Variants in SGCD observed in about 807,000 individuals in gnomAD.
SGCD encodes sarcoglycan delta, also known as delta-sarcoglycan.
A neutral mutation model predicts 36.6 loss-of-function variants in SGCD; 18 were observed. The ratio of observed to expected loss-of-function variants is 0.49; its 90% CI spans 0.34 to 0.73. The LOEUF (loss-of-function observed/expected upper bound fraction) is 0.73, where lower values mean the gene tolerates loss of function less well. Ranked by LOEUF, SGCD falls within the 30% of genes least tolerant of loss-of-function variation. The pLI is 0.01. For synonymous variants in SGCD, 133 were observed against 130.6 expected (o/e 1.02, Z -0.12); for missense variants, 387 against 346.7 (o/e 1.12, Z -0.92).
chr5:156,568,407 G>T lies in SGCD; in HGVS notation c.295-20824G>T, dbSNP rs1165354304. Among the ~76,000 whole-genome samples, 3 of 152,076 alleles carry T rather than the reference G, an allele frequency of 2.0e-5. No individual in the cohort carries two copies. In the East Asian group the frequency reaches 5.8e-4, roughly 29 times the overall value. On this transcript the variant is annotated intron_variant, in intron 4 of 8. Transcript: ENST00000337851. The stretch of plus-strand genomic sequence containing the variant: ...AATAAATAAATAAATAAAGACTCAG[G>T]TAGCTGTAACCACTAAATGGTCCTA...
chr5:155,908,111 C>T (rs1042839390), intron 1 of SGCD, among the ~76,000 whole-genome samples: 9 of 152,136 alleles, frequency 5.9e-5, no homozygotes, highest in African/African-American at 2.2e-4. Flanking sequence ...CAATTACTAA[C>T]TGTAAAGTAT....
intron 7 of SGCD, among the ~76,000 whole-genome samples, chr5:156,726,907 C>T (rs1026179705): frequency 2.6e-5 from 4 of 152,172 alleles, no homozygotes; most frequent in Non-Finnish European, 5.9e-5. Context: ...CTCTGTGCCT[C>T]AGTTTTCTGG....
At chr5:156,699,406 A>G (rs1754443063) in intron 7 of SGCD, among the ~76,000 whole-genome samples, 2 of 152,234 alleles carry the variant, frequency 1.3e-5, no homozygotes, top group Non-Finnish European at 2.9e-5. Context: ...TTAGTTTAGA[A>G]GGAAAGGCTG....
intron 6 of SGCD, among the ~76,000 whole-genome samples, chr5:156,608,483 A>G (rs557215845): frequency 6.6e-6 from 1 of 152,278 alleles, no homozygotes; most frequent in Non-Finnish European, 1.5e-5. Context: ...CAATTTTGGA[A>G]CAGGTGTGGT....
chr5:156,214,244 G>T (rs1184235528), intron 3 of SGCD, among the ~76,000 whole-genome samples: 1 of 151,866 alleles, frequency 6.6e-6, no homozygotes, highest in African/African-American at 2.4e-5. Context: ...TCTAATAAAT[G>T]AATTTAGTAA....
At chr5:156,528,831 G>A (rs186726785) in intron 4 of SGCD, among the ~76,000 whole-genome samples, 4 of 152,136 alleles carry the variant, frequency 2.6e-5, no homozygotes, top group African/African-American at 9.7e-5. Flanking sequence ...AACAAAATTA[G>A]CATTTCCAGT....
At position 156,612,187 on chromosome 5, in the gene SGCD, A is replaced by G. The variant is rs1581254940; in HGVS notation, c.502+17136A>G. Among the ~76,000 whole-genome samples, 6 of 152,314 alleles carry G rather than the reference A, an allele frequency of 3.9e-5. No individual in the cohort carries two copies. The South Asian group carries it at 1.2e-3, about 32-fold the overall frequency. On this transcript the variant is annotated intron_variant, in intron 6 of 8. Transcript: ENST00000337851. ...TTGATATTTGTGCATCTAGTGGAATAGTCATCCTTTTCAATTTTGTGGGAT... is the reference window on the plus strand; with the variant it reads ...TTGATATTTGTGCATCTAGTGGAATGGTCATCCTTTTCAATTTTGTGGGAT...
intron 7 of SGCD, among the ~76,000 whole-genome samples, chr5:156,697,708 A>G (rs73302831): frequency 0.026 from 4,018 of 151,982 alleles, 180 homozygotes; most frequent in African/African-American, 0.092. Flanking sequence ...TATGTCCACT[A>G]GTATATACCC....
chr5:156,272,535 A>C (rs1766208466), intron 3 of SGCD, among the ~76,000 whole-genome samples: 1 of 152,152 alleles, frequency 6.6e-6, no homozygotes, highest in Non-Finnish European at 1.5e-5. Context: ...TTTTCCATTC[A>C]CATGAAGTCC....
intron 1 of SGCD, among the ~76,000 whole-genome samples, chr5:156,057,254 C>T (rs1445819483): frequency 6.8e-6 from 1 of 146,162 alleles, no homozygotes; most frequent in Admixed American, 6.8e-5. Context: ...CAAACCCACC[C>T]CAAAGATAAA....
At position 156,767,655 on chromosome 5, in the gene SGCD, T is replaced by C. The variant is rs1757618686; in HGVS notation, c.*8265T>C. 6.6e-6 allele frequency: 1 copy of C among 152,204 alleles called. No individual in the cohort carries two copies. The highest frequency in any genetic ancestry group is 1.5e-5 in the Non-Finnish European group (1 of 68,034). 9.4% of individuals were successfully genotyped at this position (152,204 alleles called of 1,614,324 possible). A position where few individuals can be genotyped will look rare whatever the true frequency, so the allele number is the denominator to read the frequency against. On this transcript the variant is annotated 3_prime_UTR_variant, in exon 9 of 9. Coordinates refer to ENST00000337851, the MANE Select transcript of SGCD (RefSeq NM_000337.6). ...TCTATGCAAAAATTTTGTAAGCATT[T>C]CAATAATGCTATGAATTACAAGGAA...
the SGCD span, among the ~76,000 whole-genome samples, chr5:155,776,718 T>A: frequency 6.8e-6 from 1 of 146,094 alleles, no homozygotes; most frequent in South Asian, 2.2e-4. Context: ...AAGAGGATAG[T>A]TTTCTGAAAA....
chr5:156,238,704 G>A (rs975678742), intron 3 of SGCD, among the ~76,000 whole-genome samples: 1 of 152,170 alleles, frequency 6.6e-6, no homozygotes, highest in African/African-American at 2.4e-5. Flanking sequence ...CCAGGCTTCT[G>A]TGGTGGCTTT....
At chr5:155,984,767 C>A (rs1000123981) in intron 1 of SGCD, among the ~76,000 whole-genome samples, 3 of 152,164 alleles carry the variant, frequency 2.0e-5, no homozygotes, top group Non-Finnish European at 4.4e-5. Flanking sequence ...TATGGAAACA[C>A]CCCTCCACCA....
At chr5:156,185,125 G>T (rs563374823) in intron 3 of SGCD, among the ~76,000 whole-genome samples, 1 of 151,692 alleles carries the variant, frequency 6.6e-6, no homozygotes, top group Admixed American at 6.6e-5. Context: ...TTGTGTTTTG[G>T]TTCTAAATGT....
chr5:156,012,306 G>A (rs562942223), intron 1 of SGCD, among the ~76,000 whole-genome samples: 6 of 152,170 alleles, frequency 3.9e-5, no homozygotes, highest in African/African-American at 1.4e-4. Context: ...TATCTTACAT[G>A]CTTACGTATT....
At chr5:156,014,556 G>T (rs1041830522) in intron 1 of SGCD, among the ~76,000 whole-genome samples, 2 of 152,086 alleles carry the variant, frequency 1.3e-5, no homozygotes, top group African/African-American at 4.8e-5. Context: ...TAAGAATAAA[G>T]CTATTCTCTT....
the SGCD span, among the ~76,000 whole-genome samples, chr5:155,734,338 G>A: frequency 2.6e-5 from 4 of 151,776 alleles, no homozygotes; most frequent in East Asian, 5.8e-4. Context: ...CCGAGTATCT[G>A]GGATTACAGA....
Position 156,761,905 on chromosome 5 carries a change from A to C in SGCD, c.*2515A>C, listed in dbSNP as rs918955091. ...CCTATTGGGAACAGACATAACATTC[A>C]ATTTTTCATTTATGCTAAGTGACCA... On this transcript the variant is annotated 3_prime_UTR_variant, in exon 9 of 9. Transcript: ENST00000337851. The C allele has an allele frequency of 1.3e-5, 2 of 152,266 alleles. No individual in the cohort carries two copies. The highest frequency in any genetic ancestry group is 4.8e-5 in the African/African-American group (2 of 41,438). The allele number at this position is 152,266 out of a possible 1,614,324, so 9.4% of individuals were successfully genotyped here.
Sources: gnomAD v4.1 joint callset for allele counts (sites outside exome capture counted in the v4.1 genomes callset) on GRCh38, gnomAD v4.1.1 for gene constraint, MANE v1.5 for transcripts, NCBI Gene and HGNC (gene_info 2026-07-23, HGNC 2026-07-21) for gene names.